COBL: variants seen among roughly 807,000 people sequenced by gnomAD.
The protein encoded by COBL is cordon-bleu WH2 repeat protein.
A neutral mutation model predicts 98.8 loss-of-function variants in COBL; 51 were observed. That is an observed-to-expected ratio of 0.52 (90% CI 0.41 to 0.65). The LOEUF (loss-of-function observed/expected upper bound fraction) is 0.65, where lower values mean the gene tolerates loss of function less well. COBL is among the 30% of genes least tolerant of loss of function. The probability of loss-of-function intolerance (pLI) is 0.00; values close to 1 mark genes in which losing one functional copy is unlikely to be tolerated. For synonymous variants in COBL, 634 were observed against 651.7 expected (o/e 0.97, Z 0.41); for missense variants, 1,617 against 1,617.5 (o/e 1.00, Z 0.01).
In COBL at chr7:51,229,402, C is replaced by T. The variant is rs7787186; in HGVS notation, c.42-9458G>A. Among the ~76,000 whole-genome samples, 1,444 of 152,294 alleles carry T rather than the reference C, an allele frequency of 9.5e-3. 19 individuals are homozygous for T. The highest frequency in any genetic ancestry group is 0.033 in the African/African-American group (1,374 of 41,538). On this transcript the variant is annotated intron_variant, in intron 1 of 12. Transcript: ENST00000265136. ...AGCCTGGAAAATGAGAATGAGACCG[C>T]GAGAGTTGTGAGGGAGGAAGGGCTG... is the stretch of plus-strand genomic sequence containing the variant.
chr7:51,267,804 C>T (rs796460874), intron 1 of COBL, among the ~76,000 whole-genome samples: 29 of 152,160 alleles, frequency 1.9e-4, no homozygotes, highest in African/African-American at 6.3e-4. Context: ...AAATTCCTGA[C>T]CACAAGTGAT....
intron 8 of COBL, among the ~76,000 whole-genome samples, chr7:51,040,716 C>T (rs1339388675): frequency 1.3e-5 from 2 of 152,164 alleles, no homozygotes; most frequent in Non-Finnish European, 2.9e-5. Context: ...CCCTCCCCAC[C>T]ACAGTACTCT....
chr7:51,148,126 C>T (rs1036073830), intron 5 of COBL, among the ~76,000 whole-genome samples: 4 of 152,258 alleles, frequency 2.6e-5, no homozygotes, highest in East Asian at 1.9e-4. Flanking sequence ...ATAAATATTG[C>T]TTCTAAGAGA....
chr7:51,057,920 C>T (rs1409186878), intron 7 of COBL, among the ~76,000 whole-genome samples: 1 of 152,176 alleles, frequency 6.6e-6, no homozygotes, highest in Non-Finnish European at 1.5e-5. Flanking sequence ...TTCCATTCCT[C>T]TTATTACGGA....
In COBL at chr7:51,016,305, G is replaced by A. The variant is rs1786282200; in HGVS notation, c.*1246C>T. On this transcript the variant is annotated 3_prime_UTR_variant, in exon 13 of 13. Transcript: ENST00000265136. ...TAGCTCGTGCCTCACCAAGAGTTTA[G>A]CAACGTTAATCAGTGAATGCAGAAC... is the stretch of plus-strand genomic sequence containing the variant. 6.6e-6 allele frequency: 1 copy of A among 152,188 alleles called. No individual in the cohort carries two copies. The highest frequency in any genetic ancestry group is 1.5e-5 in the Non-Finnish European group (1 of 68,044). 9.4% of individuals were successfully genotyped at this position (152,188 alleles called of 1,614,324 possible).
Position 51,125,171 on chromosome 7 carries a change from G to A in COBL, c.957+10987C>T, listed in dbSNP as rs180828187. The stretch of plus-strand genomic sequence containing the variant: ...TCCCCAGTGTGTGACTATATTTGGA[G>A]ATGGGGCCTCTAAAGAAGTAACTAA... On this transcript the variant is annotated intron_variant, in intron 6 of 12. Coordinates refer to ENST00000265136, the MANE Select transcript of COBL (RefSeq NM_015198.5). Among the ~76,000 whole-genome samples the A allele has an allele frequency of 3.3e-3, 496 of 152,298 alleles. 1 individual carries two copies. Among genetic ancestry groups the A allele is most frequent in the Middle Eastern group, 6.8e-3 (2 of 294 alleles).
intron 4 of COBL, among the ~76,000 whole-genome samples, chr7:51,184,419 T>C (rs1358207009): frequency 1.3e-5 from 2 of 152,222 alleles, no homozygotes. Context: ...CTTTTAGGAA[T>C]GATGGAGGCA....
chr7:51,020,070 G>C (rs1389521077), intron 12 of COBL, among the ~76,000 whole-genome samples: 2 of 152,178 alleles, frequency 1.3e-5, no homozygotes, highest in Non-Finnish European at 2.9e-5. Flanking sequence ...GGCACCTGAG[G>C]GCCCAGACAA....
At chr7:51,041,162 A>ACCTT (rs1789152171) in intron 8 of COBL, among the ~76,000 whole-genome samples, 1 of 152,210 alleles carries the variant, frequency 6.6e-6, no homozygotes, top group Non-Finnish European at 1.5e-5. Flanking sequence ...GCAGGAAGGA[A>ACCTT]CCAGTTGCTG....
intron 2 of COBL, among the ~76,000 whole-genome samples, chr7:51,204,373 T>C (rs559070241): frequency 3.3e-5 from 5 of 152,118 alleles, no homozygotes; most frequent in Non-Finnish European, 7.4e-5. Flanking sequence ...GCCAGAGGCA[T>C]TGGACAAGAA....
chr7:51,046,217 A>G (rs1024893949), intron 7 of COBL, among the ~76,000 whole-genome samples: 1 of 152,192 alleles, frequency 6.6e-6, no homozygotes, highest in Non-Finnish European at 1.5e-5. Context: ...AAGACCAGGC[A>G]GACCTCCCCA....
At chr7:51,159,365 G>A (rs1359522346) in intron 5 of COBL, among the ~76,000 whole-genome samples, 1 of 152,164 alleles carries the variant, frequency 6.6e-6, no homozygotes, top group African/African-American at 2.4e-5. Context: ...GAGCAAAGGG[G>A]GCAAAGAGGA....
chr7:51,099,380 G>C (rs750456213), intron 6 of COBL, among the ~76,000 whole-genome samples: 5 of 152,170 alleles, frequency 3.3e-5, no homozygotes, highest in African/African-American at 7.2e-5. Flanking sequence ...ATGGATGAAT[G>C]CATAAAGAAA....
At chr7:51,242,417 T>G (rs1002507683) in intron 1 of COBL, among the ~76,000 whole-genome samples, 7 of 152,196 alleles carry the variant, frequency 4.6e-5, no homozygotes, top group African/African-American at 1.7e-4. Flanking sequence ...TTCCTTGCTT[T>G]GTTTGTGCAT....
intron 1 of COBL, among the ~76,000 whole-genome samples, chr7:51,268,410 C>T (rs1324276625): frequency 6.6e-6 from 1 of 152,174 alleles, no homozygotes; most frequent in East Asian, 1.9e-4. Flanking sequence ...ACCATCCACC[C>T]ACTAGACACT....
intron 1 of COBL, among the ~76,000 whole-genome samples, chr7:51,303,895 G>A (rs753361451): frequency 6.6e-6 from 1 of 152,138 alleles, no homozygotes; most frequent in Non-Finnish European, 1.5e-5. Flanking sequence ...CAGAGCCGCC[G>A]ACAGAACATA....
intron 1 of COBL, among the ~76,000 whole-genome samples, chr7:51,294,508 A>T (rs1332680911): frequency 1.4e-5 from 2 of 146,382 alleles, no homozygotes; most frequent in Non-Finnish European, 3.0e-5. Context: ...CTGGGTGTGG[A>T]GGCACATGCC....
intron 5 of COBL, among the ~76,000 whole-genome samples, chr7:51,182,657 G>GT (rs1229467831): frequency 6.8e-6 from 1 of 147,778 alleles, no homozygotes; most frequent in East Asian, 2.2e-4. Context: ...AGAGTAGGGG[G>GT]GAAGAGAGGG....
intron 12 of COBL, among the ~76,000 whole-genome samples, chr7:51,019,204 T>C (rs535382624): frequency 1.3e-3 from 204 of 151,478 alleles, no homozygotes; most frequent in Non-Finnish European, 2.3e-3. Context: ...ACCTCCAAGA[T>C]GGTGGTATTA....
Sources: allele counts gnomAD v4.1 joint callset (sites outside exome capture counted in the v4.1 genomes callset), GRCh38; gene constraint gnomAD v4.1.1; transcripts MANE v1.5; gene names NCBI Gene and HGNC (gene_info 2026-07-23, HGNC 2026-07-21).